The following CDH9 variants were observed in gnomAD, a reference collection of about 807,000 sequenced individuals.
CDH9 encodes the protein cadherin 9.
A neutral mutation model predicts 70.9 loss-of-function variants in CDH9; 28 were observed. That is an observed-to-expected ratio of 0.40 (90% CI 0.29 to 0.54). The LOEUF (loss-of-function observed/expected upper bound fraction) is 0.54. Among genes scored for constraint, CDH9 ranks in the 20% least tolerant of loss-of-function variants. CDH9 has a pLI of 0.59. For missense variants in CDH9, 874 were observed against 984.4 expected (o/e 0.89, Z 1.50); for synonymous variants, 409 against 343.1 (o/e 1.19, Z -2.12).
chr5:26,937,080 A>G (rs1741571884), intron 2 of CDH9, among the ~76,000 whole-genome samples: 1 of 152,118 alleles, frequency 6.6e-6, no homozygotes. Context: ...AGATAGTGCT[A>G]GGGTAATATA....
intron 2 of CDH9, among the ~76,000 whole-genome samples, chr5:26,954,088 T>C (rs1458576897): frequency 6.6e-6 from 1 of 152,202 alleles, no homozygotes; most frequent in Admixed American, 6.5e-5. Flanking sequence ...CTCTGCTCGG[T>C]CATTAAACTA....
chr5:26,945,467 T>G (rs1741736509), intron 2 of CDH9, among the ~76,000 whole-genome samples: 1 of 152,148 alleles, frequency 6.6e-6, no homozygotes, highest in Admixed American at 6.6e-5. Context: ...GGCTATTACC[T>G]TTTACTTCTT....
intron 2 of CDH9, among the ~76,000 whole-genome samples, chr5:26,960,946 A>G (rs1742024829): frequency 6.6e-6 from 1 of 152,070 alleles, no homozygotes; most frequent in Non-Finnish European, 1.5e-5. Context: ...ACACCAAATC[A>G]AAAGTGCATG....
At chr5:27,022,741 T>C (rs1479165691) in intron 1 of CDH9, among the ~76,000 whole-genome samples, 1 of 152,064 alleles carries the variant, frequency 6.6e-6, no homozygotes, top group Non-Finnish European at 1.5e-5. Context: ...ATTCTTTTTA[T>C]ACACAGAAAG....
At chr5:26,886,169 CT>C in intron 9 of CDH9, 86 bp from the exon 10 acceptor site, 1 of 1,378,638 alleles carries the variant, frequency 7.3e-7, no homozygotes, top group Non-Finnish European at 9.7e-7. Context: ...TGTATTTGTG[CT>C]TTAAATACAT....
chr5:26,931,599 A>G (rs13357462), intron 2 of CDH9, among the ~76,000 whole-genome samples: 14,702 of 152,190 alleles, frequency 0.097, 894 homozygotes, highest in East Asian at 0.19. Flanking sequence ...TCAAGCTAAA[A>G]TAGACCCACT....
chr5:27,013,812 C>T (rs891030), intron 1 of CDH9, among the ~76,000 whole-genome samples: 71,214 of 151,808 alleles, frequency 0.47, 17,554 homozygotes, highest in African/African-American at 0.51. Context: ...AATTATGTAA[C>T]AGTGTCTAAA....
At chr5:26,962,924 T>A (rs1034624065) in intron 2 of CDH9, among the ~76,000 whole-genome samples, 12 of 152,284 alleles carry the variant, frequency 7.9e-5, no homozygotes, top group African/African-American at 2.9e-4. Flanking sequence ...TAAACCAAAA[T>A]TTTCTTAATA....
At chr5:26,938,610 G>C (rs1419852961) in intron 2 of CDH9, among the ~76,000 whole-genome samples, 1 of 152,074 alleles carries the variant, frequency 6.6e-6, no homozygotes, top group Non-Finnish European at 1.5e-5. Context: ...CTAAGACAGA[G>C]TAAGTGCATT....
At chr5:27,023,976 C>T (rs1421136928) in intron 1 of CDH9, among the ~76,000 whole-genome samples, 4 of 151,724 alleles carry the variant, frequency 2.6e-5, no homozygotes, top group African/African-American at 4.8e-5. Flanking sequence ...TGCTTGAACC[C>T]GGGAGGCTGA....
intron 3 of CDH9, among the ~76,000 whole-genome samples, chr5:26,914,357 A>G (rs893506037): frequency 6.6e-6 from 1 of 151,962 alleles, no homozygotes; most frequent in Non-Finnish European, 1.5e-5. Flanking sequence ...AAAACATGGT[A>G]TGTGTTTAAA....
At chr5:26,937,220 C>G (rs1344364915) in intron 2 of CDH9, among the ~76,000 whole-genome samples, 1 of 152,056 alleles carries the variant, frequency 6.6e-6, no homozygotes. Context: ...AAGATCTGAA[C>G]AGACACCTCA....
At chr5:26,932,125 A>G (rs1052292257) in intron 2 of CDH9, among the ~76,000 whole-genome samples, 9 of 29,010 alleles carry the variant, frequency 3.1e-4, no homozygotes, top group Non-Finnish European at 1.0e-3. Flanking sequence ...ATATTTGAAT[A>G]TCATTTTTTT....
rs571650240 is a variant in CDH9, at chr5:26,963,129, T to C, written c.228+24977A>G. Reference sequence around the variant, plus strand: ...CTGAGTTATTATTAATCAGAACTTATTAAATCGCATTAGAATTAATCACAT... The same window carrying C: ...CTGAGTTATTATTAATCAGAACTTACTAAATCGCATTAGAATTAATCACAT... On this transcript the variant is annotated intron_variant, in intron 2 of 11. Transcript: ENST00000231021. Among the ~76,000 whole-genome samples the C allele has an allele frequency of 4.6e-5, 7 of 152,322 alleles. No individual in the cohort carries two copies. In the South Asian group the frequency reaches 1.2e-3, roughly 27 times the overall value.
intron 7 of CDH9, among the ~76,000 whole-genome samples, chr5:26,898,176 A>G (rs555118292): frequency 6.6e-6 from 1 of 152,282 alleles, no homozygotes; most frequent in East Asian, 1.9e-4. Context: ...ATAAGGGAGG[A>G]CACAAACAAA....
rs570446970 is a variant in CDH9 at position 26,983,883 on chromosome 5, A to G, written c.228+4223T>C. ...GACATACCTGAAAAGCTTAAGAAAA[A>G]GTTACCTATTCGAGTCCATTATTTT... On this transcript the variant is annotated intron_variant, in intron 2 of 11. Coordinates refer to ENST00000231021, the MANE Select transcript of CDH9 (RefSeq NM_016279.4). Among the ~76,000 whole-genome samples the G allele has an allele frequency of 4.9e-4, 74 of 152,248 alleles. 1 individual carries two copies. The highest frequency in any genetic ancestry group is 1.5e-3 in the African/African-American group (64 of 41,570).
intron 1 of CDH9, among the ~76,000 whole-genome samples, chr5:27,026,408 C>G (rs1743222486): frequency 6.6e-6 from 1 of 151,834 alleles, no homozygotes; most frequent in Non-Finnish European, 1.5e-5. Flanking sequence ...ATATTTCCTT[C>G]TCCTCATTTG....
At chr5:26,990,527 G>T (rs948470635) in intron 1 of CDH9, among the ~76,000 whole-genome samples, 2 of 152,100 alleles carry the variant, frequency 1.3e-5, no homozygotes, top group Non-Finnish European at 2.9e-5. Flanking sequence ...GTAAACTGTG[G>T]AATAATTGGT....
chr5:26,918,270 T>C (rs1407167060), intron 2 of CDH9, among the ~76,000 whole-genome samples: 1 of 152,198 alleles, frequency 6.6e-6, no homozygotes, highest in Non-Finnish European at 1.5e-5. Flanking sequence ...TAAGTATTTG[T>C]CATATTTCAT....
Sources: gnomAD v4.1 joint callset for allele counts (sites outside exome capture counted in the v4.1 genomes callset) on GRCh38, gnomAD v4.1.1 for gene constraint, MANE v1.5 for transcripts, NCBI Gene and HGNC (gene_info 2026-07-23, HGNC 2026-07-21) for gene names.